HDAC8: variants seen among roughly 807,000 people sequenced by gnomAD.
HDAC8 encodes histone deacetylase 8, also known as histone deacetylase-like 1.
A neutral mutation model predicts 32.2 loss-of-function variants in HDAC8; 1 was observed. The observed-to-expected ratio is 0.03, with a 90% CI of 0.01 to 0.15. The LOEUF (loss-of-function observed/expected upper bound fraction) is 0.15, where lower values mean the gene tolerates loss of function less well. HDAC8 is among the 10% of genes least tolerant of loss of function. The pLI, the probability that HDAC8 is intolerant of heterozygous loss-of-function variation, is 1.00. For synonymous variants in HDAC8, 108 were observed against 113.9 expected (o/e 0.95, Z 0.33); for missense variants, 117 against 300.0 (o/e 0.39, Z 4.51).
intron 4 of HDAC8, among the ~76,000 whole-genome samples, chrX:72,553,312 G>A (rs782430755): frequency 1.8e-4 from 20 of 111,609 alleles, no homozygotes; most frequent in Non-Finnish European, 3.2e-4. Context: ...CCAAAGTGCT[G>A]GGATTACAGG....
intron 9 of HDAC8, among the ~76,000 whole-genome samples, chrX:72,426,938 C>A (rs1276608809): frequency 9.1e-6 from 1 of 109,824 alleles, no homozygotes; most frequent in African/African-American, 3.3e-5. Flanking sequence ...TCTCTCTGCA[C>A]ACATTAAGTG....
chrX:72,351,960 A>T lies in HDAC8; in HGVS notation c.1006-122T>A, dbSNP rs1337879422. On this transcript the variant is annotated intron_variant, in intron 9 of 10. Coordinates refer to ENST00000373573, the MANE Select transcript of HDAC8 (RefSeq NM_018486.3). ...CAAGGCAAGGGAGGCCTCCTTGGGC[A>T]GAACAGGATGATGCAGCAGGAAGCC... 8.4e-6 allele frequency: 4 copies of T among 475,412 alleles called. No homozygotes were observed. The East Asian group carries it at 1.5e-4, about 18-fold the overall frequency. The allele number at this position is 475,412 out of a possible 1,213,427, so 39.2% of individuals were successfully genotyped here.
intron 4 of HDAC8, among the ~76,000 whole-genome samples, chrX:72,554,663 C>G (rs990545312): frequency 9.0e-6 from 1 of 111,535 alleles, no homozygotes; most frequent in Non-Finnish European, 1.9e-5. Context: ...CAGCCATAAT[C>G]CCCCTGGGAA....
chrX:72,410,134 C>A, intron 9 of HDAC8, among the ~76,000 whole-genome samples: 1 of 110,398 alleles, frequency 9.1e-6, no homozygotes, highest in Middle Eastern at 4.6e-3. Flanking sequence ...ACAATGGGAA[C>A]AATGGGAGAC....
At chrX:72,558,227 C>T (rs1473215971) in intron 4 of HDAC8, among the ~76,000 whole-genome samples, 1 of 111,660 alleles carries the variant, frequency 9.0e-6, no homozygotes, top group African/African-American at 3.3e-5. Flanking sequence ...GGAATCCTCC[C>T]TAAATCATTC....
At chrX:72,466,503 A>G (rs1602982635) in intron 7 of HDAC8, among the ~76,000 whole-genome samples, 1 of 112,211 alleles carries the variant, frequency 8.9e-6, no homozygotes, top group East Asian at 2.8e-4. Flanking sequence ...TAGGTCCTAA[A>G]AGATGAGAAC....
intron 9 of HDAC8, among the ~76,000 whole-genome samples, chrX:72,422,316 G>A (rs1363280052): frequency 1.8e-5 from 2 of 110,931 alleles, no homozygotes; most frequent in African/African-American, 6.6e-5. Context: ...TGGACCACTT[G>A]ATGGTGTCCC....
At position 72,549,810 on chromosome X, in the gene HDAC8, T is replaced by C. The variant is rs916918296; in HGVS notation, c.437+18079A>G. Reference sequence around the variant, plus strand: ...TACTAAATGGCTCTTGAATTTATTCTCTCCTCTATGCTCATCACCGCTGCT... The same window carrying C: ...TACTAAATGGCTCTTGAATTTATTCCCTCCTCTATGCTCATCACCGCTGCT... On this transcript the variant is annotated intron_variant, in intron 4 of 10. Coordinates refer to ENST00000373573, the MANE Select transcript of HDAC8 (RefSeq NM_018486.3). 6.2e-5 allele frequency among the ~76,000 whole-genome samples: 7 copies of C among 112,007 alleles called. 1 individual carries two copies. Among genetic ancestry groups the C allele is most frequent in the Admixed American group, 1.9e-4 (2 of 10,549 alleles).
intron 9 of HDAC8, among the ~76,000 whole-genome samples, chrX:72,390,856 T>C (rs1373322156): frequency 3.6e-5 from 4 of 112,064 alleles, no homozygotes; most frequent in African/African-American, 1.3e-4. Context: ...TTCTCTGTCA[T>C]CTATTCCCTG....
intron 4 of HDAC8, among the ~76,000 whole-genome samples, chrX:72,532,970 T>A (rs782483481): frequency 8.9e-6 from 1 of 112,123 alleles, no homozygotes; most frequent in Non-Finnish European, 1.9e-5. Flanking sequence ...TTCTAAATTG[T>A]CTTCAAAGAG....
chrX:72,399,139 T>C (rs1218981277), intron 9 of HDAC8, among the ~76,000 whole-genome samples: 3 of 112,036 alleles, frequency 2.7e-5, no homozygotes, highest in Non-Finnish European at 5.6e-5. Flanking sequence ...GTATTTAATA[T>C]ACCTAGAATT....
chrX:72,475,307 A>G (rs782411026), intron 7 of HDAC8, among the ~76,000 whole-genome samples: 1 of 112,498 alleles, frequency 8.9e-6, no homozygotes, highest in South Asian at 3.7e-4. Flanking sequence ...TCAGCCTGAG[A>G]AAAGTTATTG....
intron 4 of HDAC8, among the ~76,000 whole-genome samples, chrX:72,557,041 C>T (rs1212524136): frequency 2.7e-5 from 3 of 111,107 alleles, no homozygotes; most frequent in African/African-American, 9.8e-5. Flanking sequence ...ATGGTAAAAC[C>T]CCGTCTCTAC....
intron 2 of HDAC8, among the ~76,000 whole-genome samples, chrX:72,570,913 T>C (rs1183804094): frequency 9.0e-6 from 1 of 110,598 alleles, no homozygotes; most frequent in Admixed American, 9.4e-5. Flanking sequence ...TTGGCAGTTT[T>C]CTTTGGTCTT....
At chrX:72,375,871 C>G (rs2045050475) in intron 9 of HDAC8, among the ~76,000 whole-genome samples, 2 of 111,902 alleles carry the variant, frequency 1.8e-5, no homozygotes, top group East Asian at 5.6e-4. Flanking sequence ...GTAGAATTGA[C>G]TAGTGAAACC....
chrX:72,501,418 C>T (rs1556016101), intron 4 of HDAC8, among the ~76,000 whole-genome samples: 2 of 111,577 alleles, frequency 1.8e-5, no homozygotes, highest in Non-Finnish European at 3.8e-5. Context: ...GGTACAAAAA[C>T]AGATACATAG....
intron 4 of HDAC8, among the ~76,000 whole-genome samples, chrX:72,536,999 CGCCTCCCAGATTG>C (rs2050550684): frequency 1.8e-5 from 2 of 111,912 alleles, no homozygotes; most frequent in African/African-American, 6.5e-5. Context: ...TATCAACCTA[CGCCTCCCAGATTG>C]GCCTCCCTTA....
rs868960422 is a variant in HDAC8, at chrX:72,557,119, C to T, written c.437+10770G>A. On this transcript the variant is annotated intron_variant, in intron 4 of 10. Transcript: ENST00000373573. The stretch of plus-strand genomic sequence containing the variant: ...TAGGGAGGCTGAGGAAGGAGAATGG[C>T]GTGAACCCGGGAGGCGGAGCTTGCA... Among the ~76,000 whole-genome samples the T allele has an allele frequency of 6.7e-4, 74 of 111,162 alleles. 1 individual carries two copies. The highest frequency in any genetic ancestry group is 1.2e-3 in the African/African-American group (37 of 30,584).
chrX:72,541,264 G>A (rs2050699837), intron 4 of HDAC8, among the ~76,000 whole-genome samples: 1 of 110,694 alleles, frequency 9.0e-6, no homozygotes. Flanking sequence ...GGACATCCTT[G>A]GGGGAAAAGC....
Sources: gnomAD v4.1 joint callset for allele counts (sites outside exome capture counted in the v4.1 genomes callset) on GRCh38, gnomAD v4.1.1 for gene constraint, MANE v1.5 for transcripts, NCBI Gene and HGNC (gene_info 2026-07-23, HGNC 2026-07-21) for gene names.